The following GSE1 variants were observed in gnomAD, a reference collection of about 807,000 sequenced individuals.
GSE1 encodes the protein Gse1 coiled-coil protein, also known as genetic suppressor element 1.
A neutral mutation model predicts 112.6 loss-of-function variants in GSE1; 32 were observed. The ratio of observed to expected loss-of-function variants is 0.28; its 90% CI spans 0.21 to 0.38. The LOEUF is 0.38. GSE1 is among the 10% of genes least tolerant of loss of function. GSE1 has a pLI of 1.00. For synonymous variants in GSE1, 1,115 were observed against 735.6 expected, an observed-to-expected ratio of 1.52 and a Z score of -8.35; for missense variants, 2,348 against 1,699.2, an observed-to-expected ratio of 1.38 and a Z score of -6.71.
intron 8 of GSE1, 98 bp downstream of exon 8, chr16:85,657,702 G>T: frequency 3.9e-6 from 3 of 766,192 alleles, no homozygotes; most frequent in Non-Finnish European, 5.9e-6. Flanking sequence ...TCCTGCCCCA[G>T]CGTTTCTGCC....
chr16:85,660,332 C>T (rs1331001348), intron 8 of GSE1, among the ~76,000 whole-genome samples: 1 of 152,220 alleles, frequency 6.6e-6, no homozygotes, highest in Non-Finnish European at 1.5e-5. Context: ...GCAGCCTGCA[C>T]ACACCTGCCG....
chr16:85,629,859 C>T (rs184101798), intron 1 of GSE1, among the ~76,000 whole-genome samples: 19 of 152,254 alleles, frequency 1.2e-4, no homozygotes, highest in Admixed American at 4.6e-4. Context: ...TGATGCTGAC[C>T]GTATCAGTTA....
intron 2 of GSE1, among the ~76,000 whole-genome samples, chr16:85,384,540 G>A (rs1017085150): frequency 3.9e-5 from 6 of 152,206 alleles, no homozygotes; most frequent in South Asian, 2.1e-4. Flanking sequence ...ACATGGTGCC[G>A]ACTGGCATCA....
intron 2 of GSE1, chr16:85,490,922 T>A (rs2050990753): frequency 2.0e-5 from 3 of 152,204 alleles, no homozygotes; most frequent in Non-Finnish European, 4.4e-5. Context: ...ATGGTCAAAT[T>A]AATGCCGGCC....
chr16:85,355,812 G>A (rs2046938825), intron 1 of GSE1, among the ~76,000 whole-genome samples: 1 of 152,188 alleles, frequency 6.6e-6, no homozygotes, highest in African/African-American at 2.4e-5. Context: ...CTTGAGGTCA[G>A]GAGTTCGAAA....
chr16:85,644,167 A>G (rs1567707285), intron 2 of GSE1, among the ~76,000 whole-genome samples: 1 of 151,844 alleles, frequency 6.6e-6, no homozygotes, highest in Non-Finnish European at 1.5e-5. Flanking sequence ...GTCTCTACCA[A>G]AAACAAACAA....
At chr16:85,611,605 T>C (rs556303097), upstream of GSE1, 5 of 515,246 alleles carry the variant, frequency 9.7e-6, no homozygotes, top group Non-Finnish European at 1.3e-5. Context: ...CCCGGAGCCT[T>C]GTGCAAGGCG....
At chr16:85,211,810 C>T (rs1295667173) in intron 1 of GSE1, among the ~76,000 whole-genome samples, 1 of 152,224 alleles carries the variant, frequency 6.6e-6, no homozygotes, top group African/African-American at 2.4e-5. Context: ...GAAGCTGACC[C>T]GGGCTCTTCC....
chr16:85,548,376 A>G (rs10863199), intron 2 of GSE1, among the ~76,000 whole-genome samples: 57,469 of 150,668 alleles, frequency 0.38, 13,141 homozygotes, highest in East Asian at 0.74. Context: ...TTTTTAAACT[A>G]GGTCTTATTT....
At chr16:85,670,971 C>CATCA (rs1446148023) in intron 14 of GSE1, 24 bp from the exon 15 acceptor site, 7 of 1,460,218 alleles carry the variant, frequency 4.8e-6, no homozygotes, top group Non-Finnish European at 6.7e-6. Flanking sequence ...ACGGAAAATA[C>CATCA]ATCACCATCT....
At chr16:85,510,406 G>GTGTGTGTGTGTGT (rs1567548225) in intron 2 of GSE1, among the ~76,000 whole-genome samples, 157 of 150,854 alleles carry the variant, frequency 1.0e-3, no homozygotes, top group African/African-American at 3.8e-3. Flanking sequence ...GCCCGAGCGT[G>GTGTGTGTGTGTGT]CGTGTGTGTG....
At chr16:85,253,065 CCCCA>C (rs1906669297) in intron 1 of GSE1, among the ~76,000 whole-genome samples, 34 of 76,658 alleles carry the variant, frequency 4.4e-4, no homozygotes, top group African/African-American at 7.9e-4. Context: ...CCCGCCCCCC[CCCCA>C]CCCCCCCCCC....
intron 2 of GSE1, among the ~76,000 whole-genome samples, chr16:85,404,508 C>T (rs1348286164): frequency 3.3e-5 from 2 of 60,022 alleles, no homozygotes; most frequent in Admixed American, 2.6e-4. Context: ...CCCGGATAAT[C>T]CTCACTGTTA....
Position 85,657,594 on chromosome 16 carries a change from A to G in GSE1, c.1630A>G (p.Ser544Gly), listed in dbSNP as rs1236796616. The G allele has an allele frequency of 1.3e-6, 2 of 1,530,138 alleles. No homozygotes were observed. The highest frequency in any genetic ancestry group is 1.4e-5 in the African/African-American group (1 of 72,394). 94.8% of individuals were successfully genotyped at this position (1,530,138 alleles called of 1,614,324 possible). Reference sequence around the variant, plus strand: ...GGCGGAGGCAGAGCACAGGCCGGAGAGCACCACCAGGTGAGTGAGCCCCAG... The same window carrying G: ...GGCGGAGGCAGAGCACAGGCCGGAGGGCACCACCAGGTGAGTGAGCCCCAG... Reference protein sequence around the residue: ...VPAEAEHRPESTTRPGPNRHE... With the variant: ...VPAEAEHRPEGTTRPGPNRHE... Residue 544 changes from serine (S) to glycine (G), a missense_variant, in exon 8 of 16, where the codon AGC becomes GGC. By Grantham distance (56) the Ser-to-Gly change is moderately conservative. Transcript: ENST00000253458.
At chr16:85,364,025 C>G (rs1197950381) in intron 2 of GSE1, among the ~76,000 whole-genome samples, 1 of 152,238 alleles carries the variant, frequency 6.6e-6, no homozygotes, top group East Asian at 1.9e-4. Flanking sequence ...ACTCATTACT[C>G]TCACACGCAC....
At chr16:85,181,676 G>A (rs766471822) in intron 1 of GSE1, among the ~76,000 whole-genome samples, 1 of 152,232 alleles carries the variant, frequency 6.6e-6, no homozygotes, top group Non-Finnish European at 1.5e-5. Flanking sequence ...TAGGAGGCTT[G>A]TGTGGGGGAG....
chr16:85,169,684 G>T, exon 1 of GSE1: 7 of 983,456 alleles, frequency 7.1e-6, no homozygotes, highest in Non-Finnish European at 8.4e-6. Context: ...GGCGGCGGGC[G>T]CGGGGACCCC....
At position 85,622,071 on chromosome 16, in the gene GSE1, C is replaced by T. The variant is rs116188918; in HGVS notation, c.7+8673C>T. 4.2e-3 allele frequency among the ~76,000 whole-genome samples: 646 copies of T among 152,328 alleles called. 5 individuals are homozygous for T. The highest frequency in any genetic ancestry group is 0.015 in the African/African-American group (620 of 41,572). On this transcript the variant is annotated intron_variant, in intron 1 of 15. Coordinates refer to ENST00000253458, the MANE Select transcript of GSE1 (RefSeq NM_014615.5). ...GTGTGTGTGTGCATGTTGAGAATTA[C>T]AGAATCATTTAGACTTAAGCAGTCA...
Position 85,382,871 on chromosome 16 carries a change from ATGCACACACACCG to A in GSE1, c.2464+25240_2464+25252del, listed in dbSNP as rs926554485. 8.4e-3 allele frequency among the ~76,000 whole-genome samples: 1,271 copies of A among 151,220 alleles called. 12 individuals carry two copies. The highest frequency in any genetic ancestry group is 0.03 in the African/African-American group (1,225 of 41,334). ...GCATACATGTGCACACACAGCACACATGCACACACACCGTGCACACACACGCATACACTTGTGC... is the reference window on the plus strand; with the variant it reads ...GCATACATGTGCACACACAGCACACATGCACACACACGCATACACTTGTGC... On this transcript the variant is annotated intron_variant, in intron 2 of 2. Coordinates refer to the GSE1 transcript ENST00000637419.
Sources: gnomAD v4.1 joint callset for allele counts (sites outside exome capture counted in the v4.1 genomes callset) on GRCh38, gnomAD v4.1.1 for gene constraint, MANE v1.5 for transcripts, NCBI Gene and HGNC (gene_info 2026-07-23, HGNC 2026-07-21) for gene names.